The following ATP8B4 variants were observed in gnomAD, a reference collection of about 807,000 sequenced individuals.
The protein encoded by ATP8B4 is probable phospholipid-transporting ATPase IM.
ATP8B4 carries 133 observed loss-of-function variants against 145.6 expected under a neutral mutation model. The observed-to-expected ratio is 0.91, with a 90% CI of 0.79 to 1.05. ATP8B4 has a LOEUF of 1.05. Ranked by LOEUF, ATP8B4 falls within the 50% of genes least tolerant of loss-of-function variation. The probability of loss-of-function intolerance (pLI) is 0.00; values close to 1 mark genes in which losing one functional copy is unlikely to be tolerated. For missense variants in ATP8B4, 1,458 were observed against 1,425.2 expected (o/e 1.02, Z -0.37); for synonymous variants, 507 against 492.9 (o/e 1.03, Z -0.38).
At chr15:50,061,867 T>C (rs1294026018) in intron 3 of ATP8B4, among the ~76,000 whole-genome samples, 8 of 152,184 alleles carry the variant, frequency 5.3e-5, no homozygotes, top group Admixed American at 6.6e-5. Flanking sequence ...ATGAACAACT[T>C]TAAGAAAAGA....
At chr15:50,110,910 T>G (rs1302237055) in intron 1 of ATP8B4, among the ~76,000 whole-genome samples, 1 of 150,244 alleles carries the variant, frequency 6.7e-6, no homozygotes, top group Non-Finnish European at 1.5e-5. Context: ...CATAAATACT[T>G]TTTTTTTTTA....
intron 3 of ATP8B4, among the ~76,000 whole-genome samples, chr15:50,066,626 T>C (rs1480024847): frequency 1.3e-5 from 2 of 152,166 alleles, no homozygotes; most frequent in African/African-American, 4.8e-5. Context: ...TACCTTTCCA[T>C]GGATTTTAAA....
intron 1 of ATP8B4, among the ~76,000 whole-genome samples, chr15:50,113,838 C>CAAAAAAAAAAAAA (rs67648465): frequency 1.8e-4 from 12 of 67,256 alleles, no homozygotes; most frequent in African/African-American, 7.1e-4. Flanking sequence ...AACTCCATCT[C>CAAAAAAAAAAAAA]AAAAAAAAAA....
chr15:49,879,639 A>G, intron 23 of ATP8B4, 180 bp from the exon 24 acceptor site: 1 of 571,268 alleles, frequency 1.8e-6, no homozygotes, highest in Non-Finnish European at 3.1e-6. Flanking sequence ...GGGATACTAG[A>G]TCTCTCTAAA....
intron 14 of ATP8B4, among the ~76,000 whole-genome samples, chr15:49,950,433 T>G (rs186858344): frequency 3.1e-4 from 47 of 152,080 alleles, no homozygotes; most frequent in African/African-American, 1.1e-3. Flanking sequence ...CTAGGTTTTC[T>G]AGTTTATTAG....
intron 17 of ATP8B4, 110 bp downstream of exon 17, chr15:49,923,269 C>T (rs1013878432): frequency 3.9e-6 from 3 of 771,218 alleles, no homozygotes; most frequent in Non-Finnish European, 6.4e-6. Flanking sequence ...TCTCCAGATG[C>T]TTTCTATTTC....
At chr15:49,965,073 T>C (rs1193942221) in intron 13 of ATP8B4, among the ~76,000 whole-genome samples, 1 of 152,218 alleles carries the variant, frequency 6.6e-6, no homozygotes, top group Non-Finnish European at 1.5e-5. Flanking sequence ...GATACTGATA[T>C]AAGATTAATA....
chr15:49,901,945 C>T (rs2038087264), intron 20 of ATP8B4: 1 of 312,764 alleles, frequency 3.2e-6, no homozygotes, highest in South Asian at 2.8e-5. Context: ...ATCTAATTAG[C>T]AGTAGCTATA....
At chr15:50,126,787 G>A (rs193043382) in intron 1 of ATP8B4, among the ~76,000 whole-genome samples, 10 of 152,288 alleles carry the variant, frequency 6.6e-5, no homozygotes, top group East Asian at 1.9e-4. Flanking sequence ...AAAGAAGTTA[G>A]AGTCCCAATA....
intron 1 of ATP8B4, among the ~76,000 whole-genome samples, chr15:50,159,799 C>T (rs910753053): frequency 3.9e-5 from 6 of 152,126 alleles, no homozygotes; most frequent in African/African-American, 1.2e-4. Context: ...TATGTTGAAC[C>T]ATCTTTGCAT....
chr15:50,123,320 T>C (rs555087610), upstream of ATP8B4, among the ~76,000 whole-genome samples: 1 of 152,318 alleles, frequency 6.6e-6, no homozygotes, highest in East Asian at 1.9e-4. Flanking sequence ...GCAACAAAGA[T>C]GGTAACAGCC....
At chr15:49,930,154 T>A (rs1382343610) in intron 16 of ATP8B4, among the ~76,000 whole-genome samples, 2 of 151,900 alleles carry the variant, frequency 1.3e-5, no homozygotes, top group Non-Finnish European at 2.9e-5. Context: ...GGATAAGGAA[T>A]GGGACTGGAA....
At chr15:49,943,408 A>C (rs922373863) in intron 14 of ATP8B4, among the ~76,000 whole-genome samples, 10 of 152,198 alleles carry the variant, frequency 6.6e-5, no homozygotes, top group Non-Finnish European at 1.2e-4. Flanking sequence ...AACAAACAAA[A>C]AAAAAACCAC....
chr15:49,931,080 TA>T (rs1286378069), intron 16 of ATP8B4, 38 bp downstream of exon 16: 16 of 1,558,902 alleles, frequency 1.0e-5, no homozygotes, highest in Non-Finnish European at 1.4e-5. Context: ...ACCACAACAG[TA>T]TGAAAAGATC....
intron 1 of ATP8B4, among the ~76,000 whole-genome samples, chr15:50,153,951 T>C (rs2044381366): frequency 6.6e-6 from 1 of 152,244 alleles, no homozygotes; most frequent in Admixed American, 6.5e-5. Context: ...TTAAAAAACC[T>C]TGTTGTTCTA....
intron 27 of ATP8B4, among the ~76,000 whole-genome samples, chr15:49,861,486 C>A (rs566742861): frequency 2.8e-4 from 42 of 151,872 alleles, no homozygotes; most frequent in Middle Eastern, 3.4e-3. Flanking sequence ...ACCTACCTAC[C>A]TACCTACCTA....
At chr15:50,015,373 G>A (rs981289224) in intron 6 of ATP8B4, among the ~76,000 whole-genome samples, 1 of 152,202 alleles carries the variant, frequency 6.6e-6, no homozygotes, top group Non-Finnish European at 1.5e-5. Flanking sequence ...AAGAATAGAA[G>A]CAGAAAGAAG....
At chr15:49,940,267 C>T (rs928238319) in intron 14 of ATP8B4, among the ~76,000 whole-genome samples, 1 of 152,088 alleles carries the variant, frequency 6.6e-6, no homozygotes, top group Non-Finnish European at 1.5e-5. Context: ...CAGCTGGAGG[C>T]CATTACCTTA....
intron 20 of ATP8B4, among the ~76,000 whole-genome samples, chr15:49,911,107 A>G (rs1356659057): frequency 1.3e-5 from 2 of 152,144 alleles, no homozygotes; most frequent in Non-Finnish European, 2.9e-5. Context: ...AAAACAATTA[A>G]CAATGTGACA....
Sources: allele counts gnomAD v4.1 joint callset (sites outside exome capture counted in the v4.1 genomes callset), GRCh38; gene constraint gnomAD v4.1.1; transcripts MANE v1.5; gene names NCBI Gene and HGNC (gene_info 2026-07-23, HGNC 2026-07-21).